Variants in SUDS3 observed in about 807,000 individuals in gnomAD.
The protein encoded by SUDS3 is SIN3A corepressor complex component SDS3.
A neutral mutation model predicts 53.5 loss-of-function variants in SUDS3; 23 were observed. That is an observed-to-expected ratio of 0.43 (90% CI 0.31 to 0.61). The LOEUF is 0.61. SUDS3 is among the 20% of genes least tolerant of loss of function. The pLI, the probability that SUDS3 is intolerant of heterozygous loss-of-function variation, is 0.10. For missense variants in SUDS3, 291 were observed against 405.9 expected (o/e 0.72, Z 2.43); for synonymous variants, 150 against 148.5 (o/e 1.01, Z -0.08).
Position 118,376,730 on chromosome 12 carries a change from G to A in SUDS3, c.39G>A (p.Gln13=), listed in dbSNP as rs2141355167. Residue 13 remains glutamine, a synonymous_variant, in exon 1 of 12, where the codon CAG becomes CAA. Coordinates refer to ENST00000543473, the MANE Select transcript of SUDS3 (RefSeq NM_022491.3). ...AAGLLAPAPA[Q]AGAPPAPEYY... ...GGCTGCTGGCCCCGGCCCCGGCCCA[G>A]GCTGGAGCGCCGCCGGCCCCCGAGT... The A allele has an allele frequency of 2.0e-6, 3 of 1,533,816 alleles. No homozygotes were observed. The highest frequency in any genetic ancestry group is 2.1e-4 in the Middle Eastern group (1 of 4,746).
intron 6 of SUDS3, among the ~76,000 whole-genome samples, chr12:118,393,961 G>T (rs1484110132): frequency 6.6e-6 from 1 of 152,084 alleles, no homozygotes; most frequent in Non-Finnish European, 1.5e-5. Flanking sequence ...GTGAGCCACC[G>T]TGCCCCGGCT....
At chr12:118,412,173 C>T (rs1312558039) in intron 11 of SUDS3, among the ~76,000 whole-genome samples, 1 of 152,174 alleles carries the variant, frequency 6.6e-6, no homozygotes, top group Non-Finnish European at 1.5e-5. Flanking sequence ...ATATGACTGC[C>T]CTCTGAGTTC....
chr12:118,412,843 C>T (rs7307953), intron 11 of SUDS3, among the ~76,000 whole-genome samples: 95,866 of 152,114 alleles, frequency 0.63, 30,784 homozygotes, highest in African/African-American at 0.76. Flanking sequence ...CACTGAAACA[C>T]GTCTTCTGGA....
intron 6 of SUDS3, among the ~76,000 whole-genome samples, chr12:118,395,216 G>GTTTTTTT (rs71772462): frequency 1.2e-5 from 1 of 80,096 alleles, no homozygotes; most frequent in African/African-American, 5.1e-5. Flanking sequence ...TGGAATCAGG[G>GTTTTTTT]TTTTTTTTTT....
intron 6 of SUDS3, among the ~76,000 whole-genome samples, chr12:118,391,577 C>T (rs1476601740): frequency 1.3e-5 from 2 of 152,222 alleles, no homozygotes; most frequent in Non-Finnish European, 2.9e-5. Context: ...TCAATAGTTG[C>T]TAGACCTTTA....
At chr12:118,399,958 G>A (rs1216147391) in intron 6 of SUDS3, among the ~76,000 whole-genome samples, 1 of 152,138 alleles carries the variant, frequency 6.6e-6, no homozygotes, top group Non-Finnish European at 1.5e-5. Context: ...TCAGTATTCA[G>A]GGAGCAGACA....
intron 1 of SUDS3, among the ~76,000 whole-genome samples, chr12:118,377,853 C>T (rs1257994035): frequency 2.0e-5 from 3 of 152,150 alleles, no homozygotes; most frequent in Non-Finnish European, 4.4e-5. Context: ...CTGAGTTTCC[C>T]GAGTGCCAAG....
chr12:118,393,963 G>T (rs1434759293), intron 6 of SUDS3, among the ~76,000 whole-genome samples: 1 of 152,080 alleles, frequency 6.6e-6, no homozygotes, highest in Non-Finnish European at 1.5e-5. Context: ...GAGCCACCGT[G>T]CCCCGGCTGA....
At chr12:118,403,670 T>A (rs1323208487) in intron 10 of SUDS3, among the ~76,000 whole-genome samples, 153 bp downstream of exon 10, 1 of 152,188 alleles carries the variant, frequency 6.6e-6, no homozygotes, top group Non-Finnish European at 1.5e-5. Flanking sequence ...TAGCAGTCAT[T>A]TAATCAATAC....
intron 1 of SUDS3, among the ~76,000 whole-genome samples, 196 bp downstream of exon 1, chr12:118,377,029 C>A (rs1374889168): frequency 6.6e-6 from 1 of 152,126 alleles, no homozygotes; most frequent in Non-Finnish European, 1.5e-5. Context: ...GCGTTACACT[C>A]GACCGTGATG....
rs1168856714 is a variant in SUDS3 at position 118,414,322 on chromosome 12, C to T, written c.889-13C>T. The T allele has an allele frequency of 6.3e-7, 1 of 1,582,730 alleles. No homozygotes were observed. Among genetic ancestry groups the T allele is most frequent in the South Asian group, 1.2e-5 (1 of 86,380 alleles). The stretch of plus-strand genomic sequence containing the variant: ...TTAACTTTTCATCTTGTTCCCTTTC[C>T]TCTCCCCTGCAGATCTGGGTGAGGA... On this transcript the variant is annotated splice_polypyrimidine_tract_variant and intron_variant, in intron 11 of 11. Transcript: ENST00000543473.
At chr12:118,384,408 A>G (rs540800754) in intron 3 of SUDS3, among the ~76,000 whole-genome samples, 1 of 152,350 alleles carries the variant, frequency 6.6e-6, no homozygotes, top group Admixed American at 6.5e-5. Flanking sequence ...TGTTTTTTCT[A>G]AACCAAATGT....
chr12:118,392,008 T>C (rs180902232), intron 6 of SUDS3, among the ~76,000 whole-genome samples: 20 of 152,352 alleles, frequency 1.3e-4, no homozygotes, highest in Admixed American at 5.2e-4. Context: ...AGAAACAATA[T>C]GGGCCAACTC....
At chr12:118,407,438 T>C (rs561913549) in intron 10 of SUDS3, among the ~76,000 whole-genome samples, 3 of 152,250 alleles carry the variant, frequency 2.0e-5, no homozygotes, top group Admixed American at 2.0e-4. Context: ...GCCACCACCA[T>C]TCAGTGATTC....
intron 6 of SUDS3, among the ~76,000 whole-genome samples, chr12:118,394,316 C>A (rs2046194875): frequency 6.6e-6 from 1 of 152,162 alleles, no homozygotes; most frequent in Admixed American, 6.5e-5. Context: ...TGGGAACTCA[C>A]TGAGTTCCCG....
At chr12:118,397,658 C>G (rs2046227892) in intron 6 of SUDS3, among the ~76,000 whole-genome samples, 1 of 152,118 alleles carries the variant, frequency 6.6e-6, no homozygotes, top group Non-Finnish European at 1.5e-5. Context: ...GAGTCTCTTC[C>G]TTCTGCAAAG....
intron 11 of SUDS3, among the ~76,000 whole-genome samples, chr12:118,413,086 A>G (rs969536561): frequency 2.6e-5 from 4 of 152,212 alleles, no homozygotes; most frequent in Non-Finnish European, 5.9e-5. Flanking sequence ...TGATTCTGCA[A>G]GGTCCCTTGG....
intron 6 of SUDS3, among the ~76,000 whole-genome samples, chr12:118,394,407 A>C (rs1227258531): frequency 1.3e-5 from 2 of 152,172 alleles, no homozygotes; most frequent in African/African-American, 4.8e-5. Flanking sequence ...CCATTTGCTC[A>C]CAGTCCCTCA....
At chr12:118,402,102 TGAAA>T in intron 9 of SUDS3, 98 bp downstream of exon 9, 1 of 1,403,406 alleles carries the variant, frequency 7.1e-7, no homozygotes, top group Non-Finnish European at 1.0e-6. Flanking sequence ...TTTTCAAAAA[TGAAA>T]TGTTCATCAT....
Sources: allele counts gnomAD v4.1 joint callset (sites outside exome capture counted in the v4.1 genomes callset), GRCh38; gene constraint gnomAD v4.1.1; transcripts MANE v1.5; gene names NCBI Gene and HGNC (gene_info 2026-07-23, HGNC 2026-07-21).